The following CNTNAP2 variants were observed in gnomAD, a reference collection of about 807,000 sequenced individuals.
CNTNAP2 encodes the protein contactin-associated protein-like 2.
A neutral mutation model predicts 155.2 loss-of-function variants in CNTNAP2; 98 were observed. The observed-to-expected ratio is 0.63, with a 90% CI of 0.54 to 0.75. CNTNAP2 has a LOEUF of 0.75. Ranked by LOEUF, CNTNAP2 falls within the 30% of genes least tolerant of loss-of-function variation. CNTNAP2 has a pLI of 0.00. For synonymous variants in CNTNAP2, 651 were observed against 631.2 expected (o/e 1.03, Z -0.47); for missense variants, 1,727 against 1,688.1 (o/e 1.02, Z -0.40).
At chr7:147,615,850 T>C (rs1801280448) in intron 12 of CNTNAP2, among the ~76,000 whole-genome samples, 2 of 152,166 alleles carry the variant, frequency 1.3e-5, no homozygotes. Flanking sequence ...TACTTAACAT[T>C]GAAATACCAC....
intron 1 of CNTNAP2, among the ~76,000 whole-genome samples, chr7:146,616,481 G>C (rs1799226453): frequency 6.6e-6 from 1 of 152,110 alleles, no homozygotes; most frequent in African/African-American, 2.4e-5. Flanking sequence ...CATCTTCTAG[G>C]GTAAAGCTAC....
chr7:146,422,537 T>C (rs1160345490), intron 1 of CNTNAP2, among the ~76,000 whole-genome samples: 1 of 152,054 alleles, frequency 6.6e-6, no homozygotes, highest in Admixed American at 6.6e-5. Flanking sequence ...TTTGAAAAAC[T>C]CTCTATCAAA....
intron 14 of CNTNAP2, among the ~76,000 whole-genome samples, chr7:147,918,916 G>C (rs1415384938): frequency 1.3e-5 from 2 of 152,104 alleles, no homozygotes; most frequent in Non-Finnish European, 2.9e-5. Context: ...GTGGCAGAAG[G>C]GACTTTGCAG....
chr7:146,669,994 G>A (rs750203401), intron 1 of CNTNAP2, among the ~76,000 whole-genome samples: 2 of 152,092 alleles, frequency 1.3e-5, no homozygotes, highest in Non-Finnish European at 2.9e-5. Flanking sequence ...ATACATTAAT[G>A]TTTTGTTCAA....
intron 1 of CNTNAP2, among the ~76,000 whole-genome samples, chr7:146,714,143 G>A (rs767628662): frequency 1.3e-4 from 20 of 152,014 alleles, no homozygotes; most frequent in East Asian, 1.9e-4. Context: ...AAAGCCTTCC[G>A]TGACGCATGA....
intron 13 of CNTNAP2, among the ~76,000 whole-genome samples, chr7:147,821,037 G>A (rs1798351774): frequency 6.6e-6 from 1 of 152,110 alleles, no homozygotes; most frequent in Admixed American, 6.6e-5. Flanking sequence ...ATATGTTCAT[G>A]TATGCTTGAC....
At chr7:146,984,854 G>A (rs185023319) in intron 3 of CNTNAP2, among the ~76,000 whole-genome samples, 23 of 152,250 alleles carry the variant, frequency 1.5e-4, no homozygotes, top group South Asian at 4.1e-4. Flanking sequence ...TTTGCATGCC[G>A]TCAGCTAAAC....
At chr7:147,293,802 G>C (rs1380540587) in intron 8 of CNTNAP2, among the ~76,000 whole-genome samples, 1 of 152,100 alleles carries the variant, frequency 6.6e-6, no homozygotes, top group Non-Finnish European at 1.5e-5. Flanking sequence ...AGCACGGATA[G>C]AAAACTTTTC....
chr7:146,857,004 A>G (rs1157812626), intron 3 of CNTNAP2, among the ~76,000 whole-genome samples: 1 of 152,172 alleles, frequency 6.6e-6, no homozygotes, highest in Non-Finnish European at 1.5e-5. Flanking sequence ...TAATTGGGTC[A>G]ATGGATAATA....
intron 2 of CNTNAP2, among the ~76,000 whole-genome samples, chr7:146,816,300 G>A (rs1803168395): frequency 6.6e-6 from 1 of 152,116 alleles, no homozygotes. Context: ...TAGTGTGCCT[G>A]GGATGAAGGG....
At chr7:147,661,534 T>G (rs977664159) in intron 13 of CNTNAP2, among the ~76,000 whole-genome samples, 15 of 150,518 alleles carry the variant, frequency 1.0e-4, no homozygotes, top group South Asian at 6.3e-4. Context: ...CTCTTTTCTC[T>G]GCTAATTGCT....
chr7:146,586,970 C>T (rs566891266), intron 1 of CNTNAP2, among the ~76,000 whole-genome samples: 25 of 151,814 alleles, frequency 1.6e-4, no homozygotes, highest in Non-Finnish European at 3.4e-4. Context: ...ATAAGAATGA[C>T]ACGATCATTC....
In CNTNAP2 at chr7:146,116,848, T is replaced by G. The variant is rs780831072; in HGVS notation, c.-29T>G. 6.5e-5 allele frequency: 99 copies of G among 1,530,178 alleles called. No homozygotes were observed. Among genetic ancestry groups the G allele is most frequent in the Non-Finnish European group, 8.8e-6 (10 of 1,134,338 alleles). The allele number at this position is 1,530,178 out of a possible 1,614,324, so 94.8% of individuals were successfully genotyped here. On this transcript the variant is annotated 5_prime_UTR_variant, in exon 1 of 24. Coordinates refer to ENST00000361727, the MANE Select transcript of CNTNAP2 (RefSeq NM_014141.6). This position sits in a 1 kb window ranked among gnomAD's most constrained non-coding sequence, Gnocchi z 5.5. ...CGGACTGCATCTCCGCAGCGAGCTC[T>G]TGGAGCGCCGCCGGCCGGGAGGCGA...
At chr7:147,262,480 G>GAC (rs200127860) in intron 8 of CNTNAP2, among the ~76,000 whole-genome samples, 1 of 152,136 alleles carries the variant, frequency 6.6e-6, no homozygotes. Context: ...TTAGGACACA[G>GAC]ACACACACAG....
intron 1 of CNTNAP2, among the ~76,000 whole-genome samples, chr7:146,573,344 C>T (rs138782905): frequency 0.014 from 2,200 of 152,012 alleles, 47 homozygotes; most frequent in African/African-American, 0.048. Context: ...GGTTTCACCA[C>T]GTTGGCCAGG....
Position 146,245,119 on chromosome 7 carries a change from T to C in CNTNAP2, c.97+128146T>C, listed in dbSNP as rs1220520976. On this transcript the variant is annotated intron_variant, in intron 1 of 23. Coordinates refer to ENST00000361727, the MANE Select transcript of CNTNAP2 (RefSeq NM_014141.6). The stretch of plus-strand genomic sequence containing the variant: ...TTTGCTTGTGTGTGGCGATTAGGCC[T>C]GGTGGAACTGCCATCAATAAATCAA... Among the ~76,000 whole-genome samples, 62 of 152,064 alleles carry C rather than the reference T, an allele frequency of 4.1e-4. 2 individuals are homozygous for C. The highest frequency in any genetic ancestry group is 4.1e-3 in the Admixed American group (62 of 15,260).
chr7:146,671,149 T>TA (rs1800297016), intron 1 of CNTNAP2, among the ~76,000 whole-genome samples: 1 of 152,130 alleles, frequency 6.6e-6, no homozygotes, highest in African/African-American at 2.4e-5. Flanking sequence ...TCTTAAACTG[T>TA]AAAAACAAAA....
chr7:146,254,066 C>A (rs1799798949), intron 1 of CNTNAP2, among the ~76,000 whole-genome samples: 1 of 150,230 alleles, frequency 6.7e-6, no homozygotes, highest in African/African-American at 2.5e-5. Context: ...TGACTCATAA[C>A]AAAACAGAAC....
intron 2 of CNTNAP2, among the ~76,000 whole-genome samples, chr7:146,813,725 T>G (rs1158586579): frequency 6.6e-6 from 1 of 151,768 alleles, no homozygotes; most frequent in African/African-American, 2.4e-5. Context: ...TTTGGAGGGG[T>G]AAGGAGAGTG....
Sources: allele counts gnomAD v4.1 joint callset (sites outside exome capture counted in the v4.1 genomes callset), GRCh38; gene constraint gnomAD v4.1.1; non-coding constraint Gnocchi (gnomAD v3.1); transcripts MANE v1.5; gene names NCBI Gene and HGNC (gene_info 2026-07-23, HGNC 2026-07-21).